CSMD1: variants seen among roughly 807,000 people sequenced by gnomAD.
CSMD1 encodes CUB and Sushi multiple domains 1, also known as CUB and sushi domain-containing protein 1.
A neutral mutation model predicts 417.5 loss-of-function variants in CSMD1; 213 were observed. That is an observed-to-expected ratio of 0.51 (90% CI 0.46 to 0.57). The LOEUF (loss-of-function observed/expected upper bound fraction) is 0.57. Among genes scored for constraint, CSMD1 ranks in the 20% least tolerant of loss-of-function variants. The probability of loss-of-function intolerance (pLI) is 0.00; values close to 1 mark genes in which losing one functional copy is unlikely to be tolerated. For synonymous variants in CSMD1, 2,862 were observed against 1,736.8 expected, an observed-to-expected ratio of 1.65 and a Z score of -16.11; for missense variants, 6,923 against 4,529.7, an observed-to-expected ratio of 1.53 and a Z score of -15.17.
chr8:4,899,656 A>G (rs1369747580), intron 1 of CSMD1, among the ~76,000 whole-genome samples: 1 of 152,204 alleles, frequency 6.6e-6, no homozygotes, highest in Non-Finnish European at 1.5e-5. Flanking sequence ...GCAAAAATAT[A>G]AGATGACCAT....
intron 3 of CSMD1, among the ~76,000 whole-genome samples, chr8:4,163,353 C>T (rs1036148509): frequency 1.3e-5 from 2 of 152,138 alleles, no homozygotes; most frequent in Non-Finnish European, 2.9e-5. Flanking sequence ...TCCCATCAGC[C>T]ATAACTCAGA....
intron 6 of CSMD1, among the ~76,000 whole-genome samples, chr8:3,709,358 T>G (rs1341399747): frequency 6.6e-6 from 1 of 152,076 alleles, no homozygotes; most frequent in Non-Finnish European, 1.5e-5. Context: ...TACAACAGGG[T>G]GGCCCCATGA....
At chr8:3,905,024 C>G (rs1417380491) in intron 5 of CSMD1, among the ~76,000 whole-genome samples, 2 of 152,104 alleles carry the variant, frequency 1.3e-5, no homozygotes, top group Non-Finnish European at 2.9e-5. Flanking sequence ...TCAGCTAGAA[C>G]TTGTACTGGT....
At chr8:3,497,862 T>G (rs1385578877) in intron 10 of CSMD1, among the ~76,000 whole-genome samples, 1 of 152,248 alleles carries the variant, frequency 6.6e-6, no homozygotes, top group East Asian at 1.9e-4. Flanking sequence ...TTTTACTTCT[T>G]TCTCATTTAT....
chr8:4,463,254 C>A (rs902399179), intron 2 of CSMD1, among the ~76,000 whole-genome samples: 2 of 152,122 alleles, frequency 1.3e-5, no homozygotes, highest in African/African-American at 4.8e-5. Flanking sequence ...TTCATGTCCA[C>A]TAAAATAGGT....
chr8:4,794,750 G>T (rs1390899606), intron 1 of CSMD1, among the ~76,000 whole-genome samples: 2 of 152,188 alleles, frequency 1.3e-5, no homozygotes, highest in African/African-American at 4.8e-5. Context: ...AGATTATTGA[G>T]CCATTTGAAT....
chr8:3,114,138 G>A (rs889155929), intron 42 of CSMD1, among the ~76,000 whole-genome samples: 2 of 152,094 alleles, frequency 1.3e-5, no homozygotes, highest in Non-Finnish European at 2.9e-5. Flanking sequence ...TAGCCACTTG[G>A]GAGGCTGAAG....
chr8:3,280,174 A>G (rs897984227), intron 26 of CSMD1, among the ~76,000 whole-genome samples: 1 of 151,500 alleles, frequency 6.6e-6, no homozygotes, highest in African/African-American at 2.4e-5. Flanking sequence ...AACCCAATAC[A>G]GGTTTGCCTC....
chr8:4,133,172 G>A (rs1449506782), intron 3 of CSMD1, among the ~76,000 whole-genome samples: 1 of 152,120 alleles, frequency 6.6e-6, no homozygotes, highest in Admixed American at 6.5e-5. Flanking sequence ...TCCTGGCCTT[G>A]TGATCTGCCC....
intron 2 of CSMD1, among the ~76,000 whole-genome samples, chr8:4,614,144 G>GATAATA (rs148907622): frequency 6.6e-6 from 1 of 151,860 alleles, no homozygotes; most frequent in African/African-American, 2.4e-5. Context: ...TTTAAGTTCT[G>GATAATA]ATAATAATAA....
intron 10 of CSMD1, among the ~76,000 whole-genome samples, chr8:3,547,145 C>T (rs999403709): frequency 6.6e-6 from 1 of 152,148 alleles, no homozygotes; most frequent in Admixed American, 6.5e-5. Flanking sequence ...GGCTCCTGGA[C>T]AAGCTCTGGG....
intron 1 of CSMD1, among the ~76,000 whole-genome samples, chr8:4,683,697 G>A (rs1806188849): frequency 6.6e-6 from 1 of 152,210 alleles, no homozygotes; most frequent in African/African-American, 2.4e-5. Flanking sequence ...TTTCCTTGGG[G>A]TCCCACCAGG....
chr8:4,276,583 A>T lies in CSMD1; in HGVS notation c.415+143370T>A, dbSNP rs575887005. The stretch of plus-strand genomic sequence containing the variant: ...TTCTGCACATGTACCCCAGAACTTT[A>T]AGTATAATAAAAATAAATTTAATAA... On this transcript the variant is annotated intron_variant, in intron 3 of 69. Coordinates refer to ENST00000635120, the MANE Select transcript of CSMD1 (RefSeq NM_033225.6). 1.6e-3 allele frequency among the ~76,000 whole-genome samples: 242 copies of T among 152,312 alleles called. 2 individuals are homozygous for T. The highest frequency in any genetic ancestry group is 3.0e-3 in the Admixed American group (46 of 15,294).
intron 3 of CSMD1, among the ~76,000 whole-genome samples, chr8:4,185,499 A>T (rs1033517835): frequency 6.6e-6 from 1 of 152,208 alleles, no homozygotes; most frequent in African/African-American, 2.4e-5. Flanking sequence ...AGGGAATCCG[A>T]AAACACTATT....
intron 1 of CSMD1, among the ~76,000 whole-genome samples, chr8:4,874,388 A>ATTTTTTTTTTTTTTTTTTTTTTTTTT (rs3038302): frequency 7.5e-6 from 1 of 133,528 alleles, no homozygotes. Context: ...ATCCGATTGT[A>ATTTTTTTTTTTTTTTTTTTTTTTTTT]TTTTTTTTTT....
At chr8:3,786,106 T>C (rs773058128) in intron 5 of CSMD1, among the ~76,000 whole-genome samples, 8 of 151,980 alleles carry the variant, frequency 5.3e-5, no homozygotes, top group Non-Finnish European at 1.0e-4. Flanking sequence ...AGGCGTGTAG[T>C]TTGTGAATCA....
chr8:3,772,784 G>A (rs1000659183), intron 5 of CSMD1, among the ~76,000 whole-genome samples: 1 of 150,998 alleles, frequency 6.6e-6, no homozygotes, highest in African/African-American at 2.4e-5. Flanking sequence ...GGTCTATAAA[G>A]CACCATGACA....
At chr8:4,839,623 G>C (rs1800716579) in intron 1 of CSMD1, among the ~76,000 whole-genome samples, 1 of 152,070 alleles carries the variant, frequency 6.6e-6, no homozygotes, top group Non-Finnish European at 1.5e-5. Context: ...CTTCACTTAA[G>C]AAGAACTTGT....
At chr8:4,223,893 G>A (rs912823974) in intron 3 of CSMD1, among the ~76,000 whole-genome samples, 2 of 152,118 alleles carry the variant, frequency 1.3e-5, no homozygotes, top group Non-Finnish European at 2.9e-5. Flanking sequence ...AAATTAAAAT[G>A]CTTATCACTA....
Sources: allele counts gnomAD v4.1 joint callset (sites outside exome capture counted in the v4.1 genomes callset), GRCh38; gene constraint gnomAD v4.1.1; transcripts MANE v1.5; gene names NCBI Gene and HGNC (gene_info 2026-07-23, HGNC 2026-07-21).